Variants in PNPLA4 observed in about 807,000 individuals in gnomAD.
The protein encoded by PNPLA4 is patatin like domain 4, phospholipase and triacylglycerol lipase, also known as patatin-like phospholipase domain-containing protein 4.
A neutral mutation model predicts 18.3 loss-of-function variants in PNPLA4; 15 were observed. That is an observed-to-expected ratio of 0.82 (90% CI 0.55 to 1.26). The LOEUF is 1.26. Ranked by LOEUF, PNPLA4 falls within the 50% of genes most tolerant of loss-of-function variation. The probability of loss-of-function intolerance (pLI) is 0.00; values close to 1 mark genes in which losing one functional copy is unlikely to be tolerated. For missense variants in PNPLA4, 229 were observed against 196.8 expected (o/e 1.16, Z -0.98); for synonymous variants, 88 against 85.6 (o/e 1.03, Z -0.16).
At chrX:7,915,085 A>G (rs1357262732) in intron 4 of PNPLA4, among the ~76,000 whole-genome samples, 2 of 111,552 alleles carry the variant, frequency 1.8e-5, no homozygotes, top group African/African-American at 6.5e-5. Context: ...GCAGGCAAAT[A>G]GAATTTCCTA....
At chrX:7,923,004 C>A (rs1425338614) in intron 2 of PNPLA4, among the ~76,000 whole-genome samples, 1 of 112,173 alleles carries the variant, frequency 8.9e-6, no homozygotes, top group East Asian at 2.8e-4. Context: ...AACAGGTAAA[C>A]TGTTTTGAGA....
upstream of PNPLA4, chrX:7,927,495 G>C (rs1469663043): frequency 8.8e-6 from 1 of 113,603 alleles, no homozygotes; most frequent in African/African-American, 3.2e-5. Flanking sequence ...GGCCCCGCCT[G>C]CTCTATTTAA....
intron 1 of PNPLA4, among the ~76,000 whole-genome samples, chrX:7,926,487 G>A (rs1466517854): frequency 1.8e-5 from 2 of 111,789 alleles, no homozygotes; most frequent in Non-Finnish European, 3.8e-5. Flanking sequence ...AACGTTTTGC[G>A]GGTGGGGGCG....
rs182780791 is a variant in PNPLA4, at chrX:7,927,312, T to C, written c.-40A>G. On this transcript the variant is annotated 5_prime_UTR_variant, in exon 1 of 7. Coordinates refer to ENST00000381042, the MANE Select transcript of PNPLA4 (RefSeq NM_004650.3). Reference sequence around the variant, plus strand: ...AATGCAGCCCCGGGACACTTCCGTGTTGAACGAGTCCCTTTAACCAGATGG... The same window carrying C: ...AATGCAGCCCCGGGACACTTCCGTGCTGAACGAGTCCCTTTAACCAGATGG... 7 of 113,187 alleles carry C rather than the reference T, an allele frequency of 6.2e-5. No homozygotes were observed. The East Asian group carries it at 2.0e-3, about 32-fold the overall frequency. 9.3% of individuals were successfully genotyped at this position (113,187 alleles called of 1,213,427 possible). A position where few individuals can be genotyped will look rare whatever the true frequency, so the allele number is the denominator to read the frequency against.
In PNPLA4 at chrX:7,921,731, G is replaced by A; in HGVS notation, c.393C>T (p.Ser131=). Residue 131 remains serine, a synonymous_variant, in exon 4 of 7, where the codon TCC becomes TCT. Coordinates refer to ENST00000381042, the MANE Select transcript of PNPLA4 (RefSeq NM_004650.3). ...RENHLVSTFS[S]REDLIKVLLA... is the part of the protein sequence containing the mutation. ...TTGTTACCTTAATGAGGTCCTCCCT[G>A]GAGGAAAAAGTGGAGACTAAGTGAT... The A allele has an allele frequency of 8.3e-7, 1 of 1,209,325 alleles. No individual in the cohort carries two copies. Among genetic ancestry groups the A allele is most frequent in the Non-Finnish European group, 1.1e-6 (1 of 893,378 alleles).
At chrX:7,917,376 T>C (rs1168453392) in intron 4 of PNPLA4, among the ~76,000 whole-genome samples, 1 of 112,128 alleles carries the variant, frequency 8.9e-6, no homozygotes, top group Non-Finnish European at 1.9e-5. Flanking sequence ...GGTTAGCACA[T>C]TGTTCATGAA....
chrX:7,925,641 G>T, intron 2 of PNPLA4, among the ~76,000 whole-genome samples: 1 of 111,908 alleles, frequency 8.9e-6, no homozygotes, highest in Middle Eastern at 4.2e-3. Context: ...CATGATCATA[G>T]AAAGAAGAAA....
intron 4 of PNPLA4, among the ~76,000 whole-genome samples, chrX:7,919,569 A>T (rs188748767): frequency 8.9e-6 from 1 of 112,431 alleles, no homozygotes; most frequent in East Asian, 2.8e-4. Flanking sequence ...TCATGTACTT[A>T]GTTTGGGTCC....
At chrX:7,915,096 A>G (rs1923997771) in intron 4 of PNPLA4, among the ~76,000 whole-genome samples, 1 of 111,458 alleles carries the variant, frequency 9.0e-6, no homozygotes, top group Admixed American at 9.6e-5. Context: ...GAATTTCCTA[A>G]GAAAGGAGAT....
In PNPLA4 at chrX:7,921,713, C is replaced by T. The variant is rs1226732241; in HGVS notation, c.411G>A (p.Lys137=). Residue 137 remains lysine, a splice_region_variant and synonymous_variant, in exon 4 of 7, where the codon AAG becomes AAA. Transcript: ENST00000381042. ...CAAATAGGAAACATGGCTTTGTTACCTTAATGAGGTCCTCCCTGGAGGAAA... is the reference window on the plus strand; with the variant it reads ...CAAATAGGAAACATGGCTTTGTTACTTTAATGAGGTCCTCCCTGGAGGAAA... ...STFSSREDLI[K]VLLASSFVPI... is the part of the protein sequence containing the mutation. 2 of 1,205,865 alleles carry T rather than the reference C, an allele frequency of 1.7e-6. No homozygotes were observed. The highest frequency in any genetic ancestry group is 4.4e-5 in the Admixed American group (2 of 45,662).
intron 5 of PNPLA4, among the ~76,000 whole-genome samples, chrX:7,908,198 A>G (rs1048640905): frequency 7.2e-5 from 8 of 111,733 alleles, no homozygotes; most frequent in Non-Finnish European, 1.1e-4. Flanking sequence ...AAGTGGAGAG[A>G]CTAGACTCTG....
At chrX:7,923,060 T>G (rs1211094349) in intron 2 of PNPLA4, among the ~76,000 whole-genome samples, 2 of 112,685 alleles carry the variant, frequency 1.8e-5, no homozygotes, top group Non-Finnish European at 3.7e-5. Context: ...ATTCAATGTC[T>G]TAACATTGCA....
intron 2 of PNPLA4, among the ~76,000 whole-genome samples, chrX:7,924,903 C>T (rs1924344439): frequency 8.9e-6 from 1 of 112,139 alleles, no homozygotes; most frequent in African/African-American, 3.2e-5. Context: ...CCTGAAAGCC[C>T]TCTGCTTCAA....
intron 5 of PNPLA4, among the ~76,000 whole-genome samples, chrX:7,911,788 GAATA>G (rs1923884959): frequency 1.8e-5 from 2 of 110,842 alleles, no homozygotes; most frequent in African/African-American, 6.6e-5. Context: ...AACAACAACA[GAATA>G]TATATATATG....
chrX:7,903,886 T>C (rs774909810), intron 5 of PNPLA4, among the ~76,000 whole-genome samples: 2 of 111,728 alleles, frequency 1.8e-5, no homozygotes, highest in East Asian at 5.7e-4. Context: ...CTTATTTATA[T>C]GTGTATGTGT....
chrX:7,917,082 G>C (rs1300508788), intron 4 of PNPLA4, among the ~76,000 whole-genome samples: 1 of 112,339 alleles, frequency 8.9e-6, no homozygotes, highest in Admixed American at 9.4e-5. Context: ...CCTCATGAAC[G>C]TAAGATTCAA....
chrX:7,909,336 G>A (rs933840030), intron 5 of PNPLA4, among the ~76,000 whole-genome samples: 1 of 111,568 alleles, frequency 9.0e-6, no homozygotes, highest in East Asian at 2.8e-4. Flanking sequence ...AAGGCGGGTG[G>A]ATCACGAGGT....
At chrX:7,925,678 T>C (rs1287892376) in intron 2 of PNPLA4, among the ~76,000 whole-genome samples, 1 of 112,157 alleles carries the variant, frequency 8.9e-6, no homozygotes, top group East Asian at 2.8e-4. Flanking sequence ...GGAACAGAGC[T>C]GGAATCTTAA....
At chrX:7,916,986 G>T in intron 4 of PNPLA4, among the ~76,000 whole-genome samples, 1 of 112,107 alleles carries the variant, frequency 8.9e-6, no homozygotes, top group Non-Finnish European at 1.9e-5. Flanking sequence ...GGAATGGTTG[G>T]CACCAATAAA....
Sources: gnomAD v4.1 joint callset for allele counts (sites outside exome capture counted in the v4.1 genomes callset) on GRCh38, gnomAD v4.1.1 for gene constraint, MANE v1.5 for transcripts, NCBI Gene and HGNC (gene_info 2026-07-23, HGNC 2026-07-21) for gene names.